DNAH14: variants seen among roughly 807,000 people sequenced by gnomAD.
The protein encoded by DNAH14 is dynein axonemal heavy chain 14.
In DNAH14, 478 loss-of-function variants were observed where a neutral mutation model predicts 520.9. The observed-to-expected ratio is 0.92, with a 90% CI of 0.85 to 0.99. The LOEUF is 0.99. DNAH14 is among the 50% of genes least tolerant of loss of function. DNAH14 has a pLI of 0.00. For synonymous variants in DNAH14, 1,581 were observed against 1,757.2 expected (o/e 0.90, Z 2.51); for missense variants, 4,831 against 5,234.5 (o/e 0.92, Z 2.38).
chr1:225,099,962 G>C (rs1162003139), intron 22 of DNAH14, among the ~76,000 whole-genome samples: 1 of 152,082 alleles, frequency 6.6e-6, no homozygotes, highest in Non-Finnish European at 1.5e-5. Context: ...GGCTAGGGTG[G>C]GAGAGGGGTG....
At chr1:225,166,400 TAATA>T (rs1287975576) in intron 35 of DNAH14, among the ~76,000 whole-genome samples, 1 of 152,234 alleles carries the variant, frequency 6.6e-6, no homozygotes, top group African/African-American at 2.4e-5. Flanking sequence ...GTCAACTGTT[TAATA>T]AATTGTTACT....
intron 53 of DNAH14, among the ~76,000 whole-genome samples, chr1:225,277,152 C>CTATTGTTT (rs1285885032): frequency 6.7e-6 from 1 of 149,752 alleles, no homozygotes; most frequent in African/African-American, 2.5e-5. Context: ...AGCCTAAATA[C>CTATTGTTT]TATTGTTTGC....
intron 36 of DNAH14, among the ~76,000 whole-genome samples, chr1:225,169,861 G>C (rs935588353): frequency 1.3e-5 from 2 of 152,202 alleles, no homozygotes; most frequent in Non-Finnish European, 2.9e-5. Flanking sequence ...GTTAAGGGCA[G>C]CCAGAGAGAA....
At chr1:224,954,712 A>G (rs532776055) in intron 2 of DNAH14, 48 of 278,960 alleles carry the variant, frequency 1.7e-4, no homozygotes, top group Middle Eastern at 1.1e-3. Flanking sequence ...TAGACTCTCC[A>G]TGTAAATGTT....
Position 225,140,924 on chromosome 1 carries a change from C to G in DNAH14, c.4411C>G (p.Leu1471Val), listed in dbSNP as rs2079397341. 6.4e-7 allele frequency: 1 copy of G among 1,551,340 alleles called. No homozygotes were observed. Among genetic ancestry groups the G allele is most frequent in the African/African-American group, 1.4e-5 (1 of 73,120 alleles). Reference sequence around the variant, plus strand: ...TAGTAACTCTCGAACAAAAGCTATACTAGGGGCATTGCTTATCCTTTATGT... The same window carrying G: ...TAGTAACTCTCGAACAAAAGCTATAGTAGGGGCATTGCTTATCCTTTATGT... Reference protein sequence around the residue: ...DTSNSRTKAILGALLILYVHC... With the variant: ...DTSNSRTKAIVGALLILYVHC... The change falls in exon 28 of 86, where the codon CTA (leucine) becomes GTA (valine). Residue 1471 changes from leucine (L) to valine (V), a missense_variant. Physicochemically the swap from Leu to Val is conservative, Grantham distance 32. Transcript: ENST00000682510.
chr1:225,359,330 T>A (rs1288081874), intron 74 of DNAH14, among the ~76,000 whole-genome samples: 2 of 152,208 alleles, frequency 1.3e-5, no homozygotes, highest in Non-Finnish European at 2.9e-5. Flanking sequence ...CTCGCCCTTA[T>A]GTCTATGTCT....
chr1:225,090,296 A>G (rs1359188522), intron 21 of DNAH14, among the ~76,000 whole-genome samples: 1 of 152,166 alleles, frequency 6.6e-6, no homozygotes, highest in Non-Finnish European at 1.5e-5. Context: ...AAGACCTAAT[A>G]AAGATGTCAA....
intron 11 of DNAH14, among the ~76,000 whole-genome samples, chr1:225,028,444 G>T (rs1454285848): frequency 1.3e-5 from 2 of 151,632 alleles, no homozygotes; most frequent in Admixed American, 1.3e-4. Context: ...ACTTATAATT[G>T]TTTTGATTTC....
At chr1:225,344,874 C>G (rs890409833) in intron 69 of DNAH14, among the ~76,000 whole-genome samples, 33 of 152,056 alleles carry the variant, frequency 2.2e-4, no homozygotes, top group Middle Eastern at 3.2e-3. Context: ...ACCATCACAC[C>G]CAGCTAATTT....
At chr1:225,259,913 T>TAGTA (rs2092874711) in intron 46 of DNAH14, among the ~76,000 whole-genome samples, 2 of 152,196 alleles carry the variant, frequency 1.3e-5, no homozygotes, top group South Asian at 4.1e-4. Context: ...AGAGACTGAA[T>TAGTA]AGTACTTCAT....
At chr1:225,181,387 C>T (rs188478846) in intron 36 of DNAH14, among the ~76,000 whole-genome samples, 251 of 152,214 alleles carry the variant, frequency 1.6e-3, no homozygotes, top group Non-Finnish European at 3.1e-3. Context: ...ATTTTTAGTT[C>T]TTTGAGACAT....
chr1:225,362,181 A>G (rs1427631286), intron 75 of DNAH14, among the ~76,000 whole-genome samples: 1 of 152,256 alleles, frequency 6.6e-6, no homozygotes, highest in Non-Finnish European at 1.5e-5. Context: ...AAAAAAAAGA[A>G]ATTAGAGAAA....
In DNAH14 at chr1:225,184,634, C is replaced by A. The variant is rs6426054; in HGVS notation, c.5536-657C>A. On this transcript the variant is annotated intron_variant, in intron 36 of 85. Transcript: ENST00000682510. ...GACTCTGTCTCAAAGAAAATAAAAA[C>A]AAAAACAAAACATATGATTGTCTCA... Among the ~76,000 whole-genome samples, 917 of 151,736 alleles carry A rather than the reference C, an allele frequency of 6.0e-3. 2 individuals carry two copies. Among genetic ancestry groups the A allele is most frequent in the African/African-American group, 0.021 (849 of 41,400 alleles).
At chr1:225,095,917 G>A (rs1360170497) in intron 21 of DNAH14, among the ~76,000 whole-genome samples, 1 of 152,102 alleles carries the variant, frequency 6.6e-6, no homozygotes, top group Non-Finnish European at 1.5e-5. Flanking sequence ...TGATTGTGGT[G>A]ATGATTTCAC....
intron 17 of DNAH14, among the ~76,000 whole-genome samples, chr1:225,074,770 C>T (rs2072032866): frequency 6.6e-6 from 1 of 152,218 alleles, no homozygotes; most frequent in Admixed American, 6.5e-5. Context: ...AAGCCGCAGG[C>T]TATAGTGGCT....
At chr1:225,208,937 T>C (rs2087962628) in intron 41 of DNAH14, among the ~76,000 whole-genome samples, 1 of 152,226 alleles carries the variant, frequency 6.6e-6, no homozygotes, top group South Asian at 2.1e-4. Flanking sequence ...AGCATTTCCA[T>C]TGACCTTCTT....
intron 66 of DNAH14, among the ~76,000 whole-genome samples, chr1:225,336,660 G>A (rs990009843): frequency 7.9e-5 from 12 of 152,260 alleles, no homozygotes; most frequent in African/African-American, 2.9e-4. Flanking sequence ...CAGCTGACAC[G>A]TTATATGCAA....
intron 37 of DNAH14, among the ~76,000 whole-genome samples, chr1:225,188,449 T>G (rs2085006367): frequency 6.6e-6 from 1 of 151,948 alleles, no homozygotes; most frequent in Non-Finnish European, 1.5e-5. Flanking sequence ...ATTGTTAACA[T>G]CTTACTGTGC....
chr1:224,955,765 A>C (rs1323372782), intron 3 of DNAH14, among the ~76,000 whole-genome samples: 1 of 152,020 alleles, frequency 6.6e-6, no homozygotes, highest in Non-Finnish European at 1.5e-5. Flanking sequence ...ATATTCTCTT[A>C]TGTCTTTTTT....
Sources: allele counts gnomAD v4.1 joint callset (sites outside exome capture counted in the v4.1 genomes callset), GRCh38; gene constraint gnomAD v4.1.1; transcripts MANE v1.5; gene names NCBI Gene and HGNC (gene_info 2026-07-23, HGNC 2026-07-21).